The following GRAMD2B variants were observed in gnomAD, a reference collection of about 807,000 sequenced individuals.
The protein encoded by GRAMD2B is GRAM domain-containing protein 2B.
A neutral mutation model predicts 59.2 loss-of-function variants in GRAMD2B; 41 were observed. The ratio of observed to expected loss-of-function variants is 0.69; its 90% confidence interval spans 0.54 to 0.90. The LOEUF (loss-of-function observed/expected upper bound fraction) is 0.90, where lower values mean the gene tolerates loss of function less well. GRAMD2B is among the 40% of genes least tolerant of loss of function. The pLI, the probability that GRAMD2B is intolerant of heterozygous loss-of-function variation, is 0.00. For synonymous variants in GRAMD2B, 161 were observed against 182.7 expected, an observed-to-expected ratio of 0.88 and a Z score of 0.96; for missense variants, 424 against 500.5, an observed-to-expected ratio of 0.85 and a Z score of 1.46.
intron 1 of GRAMD2B, chr5:126,465,131 G>A (rs1768064287): frequency 2.4e-6 from 3 of 1,235,712 alleles, no homozygotes; most frequent in Admixed American, 7.5e-5. Context: ...GTGATCTGCT[G>A]CCCCAGCACA....
rs1481745452 is a variant in GRAMD2B, at chr5:126,465,548, AAGT to A, written c.203+4_203+6del. 6.2e-7 allele frequency: 1 copy of A among 1,613,092 alleles called. No homozygotes were observed. Among genetic ancestry groups the A allele is most frequent in the Non-Finnish European group, 8.5e-7 (1 of 1,179,654 alleles). Reference sequence around the variant, plus strand: ...CAGAAGAAAATCATTAGCCTATGGTAAGTCCTCCGTTGACTCTCTTTGTTCTCT... The same window carrying A: ...CAGAAGAAAATCATTAGCCTATGGTACCTCCGTTGACTCTCTTTGTTCTCT... On this transcript the variant is annotated splice_donor_5th_base_variant and intron_variant, in intron 2 of 13. Transcript: ENST00000285689.
chr5:126,486,264 A>G (rs73338061), intron 11 of GRAMD2B, among the ~76,000 whole-genome samples: 37,891 of 152,120 alleles, frequency 0.25, 5,048 homozygotes, highest in Non-Finnish European at 0.28. Context: ...TTCTACAGTG[A>G]TATTCAACAC....
At chr5:126,423,262 C>T, upstream of GRAMD2B, 1 of 1,131,134 alleles carries the variant, frequency 8.8e-7, no homozygotes, top group South Asian at 2.7e-5. Flanking sequence ...GTTCCACCTG[C>T]TTGGCCAATT....
upstream of GRAMD2B, among the ~76,000 whole-genome samples, chr5:126,422,487 C>T (rs1759842262): frequency 6.6e-6 from 1 of 152,252 alleles, no homozygotes; most frequent in South Asian, 2.1e-4. Context: ...GCGTAAGCCA[C>T]CGTGCCTGGC....
Position 126,466,460 on chromosome 5 carries a change from C to G in GRAMD2B, c.203+915C>G, listed in dbSNP as rs143036420. The G allele has an allele frequency of 3.6e-3, 2,371 of 667,862 alleles. 37 individuals are homozygous for G. The African/African-American group carries it at 0.037, about 11-fold the overall frequency. The allele number at this position is 667,862 out of a possible 1,614,324, so 41.4% of individuals were successfully genotyped here. A position where few individuals can be genotyped will look rare whatever the true frequency, so the allele number is the denominator to read the frequency against. ...TTTTTTTTCCAGTCGGAGTCTCGCTCTGTCATCCAGGCTGGAGTGCAGTGG... is the reference window on the plus strand; with the variant it reads ...TTTTTTTTCCAGTCGGAGTCTCGCTGTGTCATCCAGGCTGGAGTGCAGTGG... On this transcript the variant is annotated intron_variant, in intron 2 of 13. Coordinates refer to ENST00000285689, the MANE Select transcript of GRAMD2B (RefSeq NM_023927.4).
intron 1 of GRAMD2B, among the ~76,000 whole-genome samples, chr5:126,457,725 C>T (rs973339631): frequency 2.5e-4 from 37 of 149,404 alleles, no homozygotes; most frequent in African/African-American, 8.8e-4. Context: ...GGTACAGCAT[C>T]CCAGGCAGAG....
chr5:126,409,972 C>T (rs1205811331), intron 1 of GRAMD2B, among the ~76,000 whole-genome samples: 1 of 28,928 alleles, frequency 3.5e-5, no homozygotes, highest in African/African-American at 1.1e-4. Context: ...TTGTTTTTCT[C>T]AGGTTTGTCA....
Position 126,485,786 on chromosome 5 carries a change from A to G in GRAMD2B, c.1058+13A>G. ...TCTATGCAATTGTGTAAGTACATGAATTTACTGTGAGTGACTAAGAAAATG... is the reference window on the plus strand; with the variant it reads ...TCTATGCAATTGTGTAAGTACATGAGTTTACTGTGAGTGACTAAGAAAATG... On this transcript the variant is annotated intron_variant, in intron 11 of 13. Transcript: ENST00000285689. 6.7e-7 allele frequency: 1 copy of G among 1,494,150 alleles called. No homozygotes were observed. Among genetic ancestry groups the G allele is most frequent in the Non-Finnish European group, 9.3e-7 (1 of 1,077,856 alleles). The allele number at this position is 1,494,150 out of a possible 1,614,324, so 92.6% of individuals were successfully genotyped here.
chr5:126,427,255 T>G (rs1236946088), intron 1 of GRAMD2B, among the ~76,000 whole-genome samples: 1 of 152,104 alleles, frequency 6.6e-6, no homozygotes, highest in Non-Finnish European at 1.5e-5. Context: ...ATGCAATCCC[T>G]CCCCCAAACC....
chr5:126,434,458 C>G (rs1580963790), intron 1 of GRAMD2B, among the ~76,000 whole-genome samples: 1 of 152,244 alleles, frequency 6.6e-6, no homozygotes, highest in East Asian at 1.9e-4. Context: ...GCCTTTCTTT[C>G]ACTGTCTACA....
At chr5:126,414,679 G>A (rs1477892342) in intron 1 of GRAMD2B, among the ~76,000 whole-genome samples, 2 of 152,032 alleles carry the variant, frequency 1.3e-5, no homozygotes, top group Non-Finnish European at 2.9e-5. Flanking sequence ...ATGCTGCCCA[G>A]GCTGAGCTCA....
At chr5:126,381,470 G>A (rs368801306) in intron 1 of GRAMD2B, among the ~76,000 whole-genome samples, 1 of 151,960 alleles carries the variant, frequency 6.6e-6, no homozygotes, top group Non-Finnish European at 1.5e-5. Flanking sequence ...AACTGTTGTT[G>A]CTTTAAAGTT....
chr5:126,404,819 A>G (rs1199929825), intron 1 of GRAMD2B, among the ~76,000 whole-genome samples: 4 of 151,910 alleles, frequency 2.6e-5, no homozygotes, highest in Non-Finnish European at 5.9e-5. Context: ...AACCCTGTAC[A>G]CATGTAACAA....
At chr5:126,417,636 G>A (rs549535372) in intron 1 of GRAMD2B, among the ~76,000 whole-genome samples, 1 of 152,322 alleles carries the variant, frequency 6.6e-6, no homozygotes, top group South Asian at 2.1e-4. Context: ...ATTGTTTTAA[G>A]CCACCAGGTT....
intron 1 of GRAMD2B, among the ~76,000 whole-genome samples, chr5:126,461,376 T>C (rs1767330067): frequency 2.0e-5 from 3 of 152,246 alleles, no homozygotes; most frequent in Admixed American, 6.5e-5. Context: ...ATCAAACTAA[T>C]GATGTCTGGG....
At chr5:126,473,676 A>G (rs928636386) in intron 5 of GRAMD2B, among the ~76,000 whole-genome samples, 1 of 152,220 alleles carries the variant, frequency 6.6e-6, no homozygotes, top group Non-Finnish European at 1.5e-5. Context: ...GAGAGCACTC[A>G]AAGTTGTTTA....
At chr5:126,450,546 T>C (rs975498550) in intron 1 of GRAMD2B, among the ~76,000 whole-genome samples, 2 of 151,946 alleles carry the variant, frequency 1.3e-5, no homozygotes, top group African/African-American at 4.8e-5. Context: ...TGGGTTATCA[T>C]TTCTGACTCC....
intron 1 of GRAMD2B, among the ~76,000 whole-genome samples, chr5:126,402,691 G>T (rs994933568): frequency 3.3e-5 from 5 of 152,042 alleles, no homozygotes; most frequent in African/African-American, 1.2e-4. Flanking sequence ...GCTATGAGCA[G>T]TATCTATTTA....
chr5:126,412,847 T>A (rs1758935689), intron 1 of GRAMD2B, among the ~76,000 whole-genome samples: 1 of 152,084 alleles, frequency 6.6e-6, no homozygotes, highest in Non-Finnish European at 1.5e-5. Flanking sequence ...GGGGACTATG[T>A]GTTTCCAGGA....
Sources: gnomAD v4.1 joint callset for allele counts (sites outside exome capture counted in the v4.1 genomes callset) on GRCh38, gnomAD v4.1.1 for gene constraint, MANE v1.5 for transcripts, NCBI Gene and HGNC (gene_info 2026-07-23, HGNC 2026-07-21) for gene names.